GLDC: variants seen among roughly 807,000 people sequenced by gnomAD.
GLDC encodes glycine decarboxylase.
Under a neutral mutation model 121.3 loss-of-function variants are expected in GLDC, and 104 were observed. That is an observed-to-expected ratio of 0.86 (90% CI 0.73 to 1.01). The LOEUF (loss-of-function observed/expected upper bound fraction) is 1.01, where lower values mean the gene tolerates loss of function less well. GLDC is among the 50% of genes least tolerant of loss of function. GLDC has a pLI of 0.00. For synonymous variants in GLDC, 546 were observed against 480.6 expected (o/e 1.14, Z -1.78); for missense variants, 1,429 against 1,306.6 (o/e 1.09, Z -1.44).
intron 3 of GLDC, among the ~76,000 whole-genome samples, chr9:6,613,614 A>G (rs1644737744): frequency 6.6e-6 from 1 of 152,238 alleles, no homozygotes; most frequent in South Asian, 2.1e-4. Flanking sequence ...TATTTAAGTT[A>G]TAATTTCTTC....
At chr9:6,614,280 A>T (rs537116101) in intron 3 of GLDC, among the ~76,000 whole-genome samples, 2 of 150,862 alleles carry the variant, frequency 1.3e-5, no homozygotes, top group Non-Finnish European at 3.0e-5. Flanking sequence ...TGTCACACAG[A>T]CTGGAGTGCA....
intron 14 of GLDC, among the ~76,000 whole-genome samples, chr9:6,588,072 T>G (rs940990495): frequency 6.9e-5 from 9 of 129,696 alleles, no homozygotes; most frequent in African/African-American, 2.7e-4. Flanking sequence ...GATTTAGAAC[T>G]ATAAACAATT....
chr9:6,603,643 A>G (rs1818666505), intron 7 of GLDC, among the ~76,000 whole-genome samples: 1 of 152,126 alleles, frequency 6.6e-6, no homozygotes, highest in South Asian at 2.1e-4. Flanking sequence ...AGCTTTTATC[A>G]AAGGTCAAAA....
chr9:6,623,544 C>A (rs942650960), intron 2 of GLDC, among the ~76,000 whole-genome samples: 21 of 151,366 alleles, frequency 1.4e-4, no homozygotes, highest in African/African-American at 5.1e-4. Flanking sequence ...ATCTGCTGAC[C>A]TTCCCTCCAC....
intron 5 of GLDC, among the ~76,000 whole-genome samples, chr9:6,606,378 T>G (rs551745715): frequency 6.6e-6 from 1 of 151,612 alleles, no homozygotes; most frequent in South Asian, 2.1e-4. Context: ...ATGGCAATTG[T>G]GTATTTCCCC....
chr9:6,645,169 G>T (rs1456225691), intron 1 of GLDC, 76 bp downstream of exon 1: 2 of 1,404,456 alleles, frequency 1.4e-6, no homozygotes, highest in East Asian at 2.6e-5. Flanking sequence ...GCTCAGGGTA[G>T]GAGCCGGGAG....
At position 6,546,365 on chromosome 9, in the gene GLDC, CT is replaced by C. The variant is rs34760385; in HGVS notation, c.2569+4437del. ...GCACCACCATGGTGGTTAATTTTTT[CT>C]TTTTTTTTTTTTTTGGAAGAGACAG... is the stretch of plus-strand genomic sequence containing the variant. On this transcript the variant is annotated intron_variant, in intron 21 of 24. Coordinates refer to ENST00000321612, the MANE Select transcript of GLDC (RefSeq NM_000170.3). 5.8e-3 allele frequency among the ~76,000 whole-genome samples: 806 copies of C among 137,996 alleles called. 3 individuals carry two copies. The highest frequency in any genetic ancestry group is 0.011 in the African/African-American group (395 of 37,506). The allele number at this position is 137,996 out of a possible 152,430, so 90.5% of individuals were successfully genotyped here. A position where few individuals can be genotyped will look rare whatever the true frequency, so the allele number is the denominator to read the frequency against.
intron 18 of GLDC, among the ~76,000 whole-genome samples, chr9:6,555,763 G>A (rs181100274): frequency 6.1e-4 from 93 of 152,258 alleles, no homozygotes; most frequent in African/African-American, 2.1e-3. Flanking sequence ...CTGCACTCCA[G>A]CCTTGGCGAC....
At chr9:6,595,959 A>C (rs1818486996) in intron 8 of GLDC, among the ~76,000 whole-genome samples, 1 of 152,240 alleles carries the variant, frequency 6.6e-6, no homozygotes, top group African/African-American at 2.4e-5. Context: ...TGAAGTCAGC[A>C]AACAAGGAAG....
intron 18 of GLDC, among the ~76,000 whole-genome samples, chr9:6,555,347 G>A (rs940388633): frequency 7.9e-5 from 12 of 152,110 alleles, no homozygotes; most frequent in Non-Finnish European, 1.5e-4. Context: ...CCCACCACTT[G>A]GGTGTTAGGA....
At chr9:6,591,114 A>G (rs1818366886) in intron 11 of GLDC, among the ~76,000 whole-genome samples, 1 of 152,192 alleles carries the variant, frequency 6.6e-6, no homozygotes, top group South Asian at 2.1e-4. Flanking sequence ...ATCCCATGGA[A>G]TGGTAACTTT....
rs773250428 is a variant in GLDC at position 6,592,160 on chromosome 9, C to A, written c.1465G>T (p.Gly489Cys). 6.2e-6 allele frequency: 10 copies of A among 1,600,708 alleles called. No homozygotes were observed. The East Asian group carries it at 6.7e-5, about 11-fold the overall frequency. ...KDLDDLLWIF[G>C]CESSAELVAE... ...TTACTTACTGCAGATGACTCACAAC[C>A]AAAGATCCACAACAAATCGTCCAGA... The change falls in exon 11 of 25, where the codon GGT becomes TGT. Residue 489 changes from glycine to cysteine, a missense_variant. Physicochemically the swap from Gly to Cys is radical, Grantham distance 159. Coordinates refer to ENST00000321612, the MANE Select transcript of GLDC (RefSeq NM_000170.3).
chr9:6,547,482 G>GCC (rs1296329026), intron 21 of GLDC, among the ~76,000 whole-genome samples: 1 of 152,138 alleles, frequency 6.6e-6, no homozygotes, highest in African/African-American at 2.4e-5. Flanking sequence ...TCCTCACTAG[G>GCC]CCCCTGTGTG....
intron 22 of GLDC, among the ~76,000 whole-genome samples, chr9:6,538,350 T>C (rs1009722573): frequency 3.3e-5 from 5 of 152,206 alleles, no homozygotes; most frequent in African/African-American, 1.2e-4. Flanking sequence ...GTCTGATAAT[T>C]AGCCTGGAAC....
intron 2 of GLDC, among the ~76,000 whole-genome samples, chr9:6,621,652 G>C (rs143853720): frequency 6.6e-6 from 1 of 151,984 alleles, no homozygotes; most frequent in African/African-American, 2.4e-5. Flanking sequence ...TGAGTAGCTG[G>C]GACTACAGTC....
intron 4 of GLDC, among the ~76,000 whole-genome samples, chr9:6,608,575 C>A (rs1342506951): frequency 7.2e-6 from 1 of 139,100 alleles, no homozygotes; most frequent in African/African-American, 2.7e-5. Flanking sequence ...CCCATCTCTA[C>A]TAAAAATACA....
chr9:6,613,805 C>A (rs13300754), intron 3 of GLDC, among the ~76,000 whole-genome samples: 1 of 151,888 alleles, frequency 6.6e-6, no homozygotes, highest in Non-Finnish European at 1.5e-5. Flanking sequence ...TAGATAGAGT[C>A]TTGCTCTGTC....
intron 3 of GLDC, among the ~76,000 whole-genome samples, chr9:6,616,685 T>C (rs1373870725): frequency 6.6e-6 from 1 of 152,244 alleles, no homozygotes; most frequent in Non-Finnish European, 1.5e-5. Flanking sequence ...CTAATTCAAC[T>C]GGTTTGTTCC....
At chr9:6,557,098 T>A (rs1254890737) in intron 17 of GLDC, among the ~76,000 whole-genome samples, 1 of 152,208 alleles carries the variant, frequency 6.6e-6, no homozygotes, top group African/African-American at 2.4e-5. Context: ...TAGAGTTCTA[T>A]ACCACTGCAG....
Sources: gnomAD v4.1 joint callset for allele counts (sites outside exome capture counted in the v4.1 genomes callset) on GRCh38, gnomAD v4.1.1 for gene constraint, MANE v1.5 for transcripts, NCBI Gene and HGNC (gene_info 2026-07-23, HGNC 2026-07-21) for gene names.